The following ATAD3A variants were observed in gnomAD, a reference collection of about 807,000 sequenced individuals.
ATAD3A encodes ATPase family AAA domain containing 3A.
In ATAD3A, 46 loss-of-function variants were observed where a neutral mutation model predicts 73.8. That is an observed-to-expected ratio of 0.62 (90% CI 0.49 to 0.80). ATAD3A has a LOEUF of 0.80. Among genes scored for constraint, ATAD3A ranks in the 30% least tolerant of loss-of-function variants. The pLI is 0.00. For synonymous variants in ATAD3A, 319 were observed against 350.0 expected (o/e 0.91, Z 0.99); for missense variants, 705 against 838.0 (o/e 0.84, Z 1.96).
At chr1:1,531,839 A>G (rs1271011193) in intron 15 of ATAD3A, among the ~76,000 whole-genome samples, 1 of 151,726 alleles carries the variant, frequency 6.6e-6, no homozygotes, top group Non-Finnish European at 1.5e-5. Flanking sequence ...TCACACCTGT[A>G]ACCACAGCAC....
At position 1,519,005 on chromosome 1, in the gene ATAD3A, C is replaced by G. The variant is rs779496211; in HGVS notation, c.514+15C>G. The G allele has an allele frequency of 1.9e-6, 3 of 1,614,070 alleles. No individual in the cohort carries two copies. The highest frequency in any genetic ancestry group is 1.3e-5 in the African/African-American group (1 of 75,040). On this transcript the variant is annotated intron_variant, in intron 5 of 15. Coordinates refer to ENST00000378756, the MANE Select transcript of ATAD3A (RefSeq NM_001170535.3). Reference sequence around the variant, plus strand: ...CATGCGGCGAGGTAGGCTGTCTGCTCTCCTGGCTGGGGCGGAGGTGGCGGG... The same window carrying G: ...CATGCGGCGAGGTAGGCTGTCTGCTGTCCTGGCTGGGGCGGAGGTGGCGGG...
intron 14 of ATAD3A, among the ~76,000 whole-genome samples, chr1:1,528,178 G>C (rs114845849): frequency 6.6e-6 from 1 of 151,936 alleles, no homozygotes; most frequent in Non-Finnish European, 1.5e-5. Flanking sequence ...GGCCAGGTTC[G>C]TCTCAAACTC....
Position 1,534,033 on chromosome 1 carries a change from G to A in ATAD3A, c.1722G>A (p.Ala574=), listed in dbSNP as rs144285750. Reference sequence around the variant, plus strand: ...AGCAGAAGATGTGCTGGCTGAAGGCGGAAGGGCCTGGGCGTGGGGACGAGC... The same window carrying A: ...AGCAGAAGATGTGCTGGCTGAAGGCAGAAGGGCCTGGGCGTGGGGACGAGC... ...QHQQKMCWLK[A]EGPGRGDEPS... Residue 574 remains alanine, a synonymous_variant, in exon 16 of 16, where the codon GCG becomes GCA. Coordinates refer to ENST00000378756, the MANE Select transcript of ATAD3A (RefSeq NM_001170535.3). 399 of 1,613,640 alleles carry A rather than the reference G, an allele frequency of 2.5e-4. No homozygotes were observed. In the African/African-American group the frequency reaches 4.6e-3, roughly 19 times the overall value.
chr1:1,525,200 G>A, intron 11 of ATAD3A, 40 bp from the exon 12 acceptor site: 1 of 1,612,698 alleles, frequency 6.2e-7, no homozygotes, highest in Non-Finnish European at 8.5e-7. Flanking sequence ...GCTGCTCCTG[G>A]TGTCACTCTC....
At chr1:1,516,966 C>A in intron 2 of ATAD3A, 1 of 977,034 alleles carries the variant, frequency 1.0e-6, no homozygotes, top group Non-Finnish European at 1.5e-6. Flanking sequence ...CCCACTTTGG[C>A]CTCCCAAAGT....
chr1:1,523,656 C>T lies in ATAD3A; in HGVS notation c.963+89C>T. The T allele has an allele frequency of 2.5e-6, 4 of 1,600,302 alleles. No individual in the cohort carries two copies. The highest frequency in any genetic ancestry group is 2.2e-5 in the South Asian group (2 of 90,016). ...TGGCCCTTGCTGGCGCTCGTGGTGG[C>T]ACCCAGGAGCTTTTGGGTCCTGAGA... On this transcript the variant is annotated intron_variant, in intron 9 of 15. Transcript: ENST00000378756. The surrounding 1 kb of genome is among the most constrained non-coding windows in gnomAD (Gnocchi z 5.1).
At chr1:1,521,620 T>G (rs1641603503) in intron 7 of ATAD3A, among the ~76,000 whole-genome samples, 1 of 152,242 alleles carries the variant, frequency 6.6e-6, no homozygotes, top group Non-Finnish European at 1.5e-5. Context: ...TGACGGTGAA[T>G]GTTGCAGGTG....
chr1:1,521,572 A>T (rs565689278), intron 7 of ATAD3A, among the ~76,000 whole-genome samples: 1 of 152,212 alleles, frequency 6.6e-6, no homozygotes, highest in African/African-American at 2.4e-5. Flanking sequence ...CGGCGCCCAG[A>T]GCTGTGACTG....
chr1:1,518,003 A>G lies in ATAD3A; in HGVS notation c.444+228A>G, dbSNP rs185883783. Reference sequence around the variant, plus strand: ...GAGACACAGGCACCTACCCACACGGACACACACTCCTCGCACACACACTCC... The same window carrying G: ...GAGACACAGGCACCTACCCACACGGGCACACACTCCTCGCACACACACTCC... On this transcript the variant is annotated intron_variant, in intron 4 of 15. Coordinates refer to ENST00000378756, the MANE Select transcript of ATAD3A (RefSeq NM_001170535.3). Among the ~76,000 whole-genome samples the G allele has an allele frequency of 1.3e-3, 194 of 152,010 alleles. 1 individual carries two copies. The highest frequency in any genetic ancestry group is 4.6e-3 in the African/African-American group (190 of 41,414).
intron 12 of ATAD3A, among the ~76,000 whole-genome samples, chr1:1,526,245 T>C (rs1475545728): frequency 6.6e-6 from 1 of 151,990 alleles, no homozygotes; most frequent in Admixed American, 6.6e-5. Flanking sequence ...GGTCTCAAAC[T>C]CCTTACCTCG....
chr1:1,531,013 G>A (rs144526264), intron 15 of ATAD3A, among the ~76,000 whole-genome samples: 1,611 of 151,958 alleles, frequency 0.011, 13 homozygotes, highest in Non-Finnish European at 0.014. Context: ...AAATTACCCC[G>A]GCACATTTGT....
At chr1:1,518,629 C>CCCCCCA (rs1557460804) in intron 4 of ATAD3A, among the ~76,000 whole-genome samples, 1 of 93,472 alleles carries the variant, frequency 1.1e-5, no homozygotes, top group East Asian at 5.4e-4. Context: ...ACACCCCCCC[C>CCCCCCA]CACAGGCACG....
In ATAD3A at chr1:1,517,290, G is replaced by A. The variant is rs1009306591; in HGVS notation, c.283-21G>A. On this transcript the variant is annotated intron_variant, in intron 2 of 15. Transcript: ENST00000378756. ...TGCCAGCCCTGAGCAAGTGCCAGCT[G>A]GTGAGTGCTGTGCTCTGCAGGAGTA... is the stretch of plus-strand genomic sequence containing the variant. The A allele has an allele frequency of 2.6e-6, 4 of 1,547,280 alleles. No individual in the cohort carries two copies. The African/African-American group carries it at 4.2e-5, about 16-fold the overall frequency.
rs1156372418 is a variant in ATAD3A at position 1,523,263 on chromosome 1, C to T, written c.907-248C>T. 6.6e-6 allele frequency among the ~76,000 whole-genome samples: 1 copy of T among 152,132 alleles called. No individual in the cohort carries two copies. The highest frequency in any genetic ancestry group is 1.5e-5 in the Non-Finnish European group (1 of 68,026). On this transcript the variant is annotated intron_variant, in intron 8 of 15. Coordinates refer to ENST00000378756, the MANE Select transcript of ATAD3A (RefSeq NM_001170535.3). The surrounding 1 kb of genome is among the most constrained non-coding windows in gnomAD (Gnocchi z 5.1). The stretch of plus-strand genomic sequence containing the variant: ...GCGCCGCTCGCCGCCCCCGAGGTGC[C>T]TGCTCTCCACAGGTCACTGGGTAGG...
At chr1:1,519,070 C>T in intron 5 of ATAD3A, 80 bp downstream of exon 5, 1 of 1,609,950 alleles carries the variant, frequency 6.2e-7, no homozygotes, top group East Asian at 2.2e-5. Context: ...AGCCTGAGTT[C>T]TGCCGCCCGG....
In ATAD3A at chr1:1,523,591, G is replaced by T. The variant is rs571225201; in HGVS notation, c.963+24G>T. Reference sequence around the variant, plus strand: ...GTGTAAGTCGGTGTGCCTGGGACCGGGGAGGCGCAGGGAGGGGACCCTGGA... The same window carrying T: ...GTGTAAGTCGGTGTGCCTGGGACCGTGGAGGCGCAGGGAGGGGACCCTGGA... On this transcript the variant is annotated intron_variant, in intron 9 of 15. Transcript: ENST00000378756. This position sits in a 1 kb window ranked among gnomAD's most constrained non-coding sequence, Gnocchi z 5.1. The T allele has an allele frequency of 1.2e-6, 2 of 1,612,342 alleles. No individual in the cohort carries two copies. Among genetic ancestry groups the T allele is most frequent in the East Asian group, 2.2e-5 (1 of 44,852 alleles).
chr1:1,523,591 G>A lies in ATAD3A; in HGVS notation c.963+24G>A, dbSNP rs571225201. On this transcript the variant is annotated intron_variant, in intron 9 of 15. Transcript: ENST00000378756. The surrounding 1 kb of genome is among the most constrained non-coding windows in gnomAD (Gnocchi z 5.1). ...GTGTAAGTCGGTGTGCCTGGGACCG[G>A]GGAGGCGCAGGGAGGGGACCCTGGA... is the stretch of plus-strand genomic sequence containing the variant. 12 of 1,612,342 alleles carry A rather than the reference G, an allele frequency of 7.4e-6. No homozygotes were observed. In the South Asian group the frequency reaches 7.7e-5, roughly 10 times the overall value.
intron 2 of ATAD3A, among the ~76,000 whole-genome samples, chr1:1,516,898 G>A (rs184668845): frequency 6.6e-6 from 1 of 152,142 alleles, no homozygotes; most frequent in African/African-American, 2.4e-5. Context: ...TTTTAGTAGA[G>A]ATGGGGTTTC....
At chr1:1,531,671 G>C (rs377232694) in intron 15 of ATAD3A, among the ~76,000 whole-genome samples, 1 of 151,404 alleles carries the variant, frequency 6.6e-6, no homozygotes, top group Non-Finnish European at 1.5e-5. Context: ...CCAGCTACTT[G>C]GGAGGCTGAG....
Sources: allele counts gnomAD v4.1 joint callset (sites outside exome capture counted in the v4.1 genomes callset), GRCh38; gene constraint gnomAD v4.1.1; non-coding constraint Gnocchi (gnomAD v3.1); transcripts MANE v1.5; gene names NCBI Gene and HGNC (gene_info 2026-07-23, HGNC 2026-07-21).